The following VGLL4 variants were observed in gnomAD, a reference collection of about 807,000 sequenced individuals.
The protein encoded by VGLL4 is transcription cofactor vestigial-like protein 4.
A neutral mutation model predicts 21.0 loss-of-function variants in VGLL4; 7 were observed. The ratio of observed to expected loss-of-function variants is 0.33; its 90% CI spans 0.19 to 0.63. The LOEUF (loss-of-function observed/expected upper bound fraction) is 0.63. Among genes scored for constraint, VGLL4 ranks in the 20% least tolerant of loss-of-function variants. The pLI, the probability that VGLL4 is intolerant of heterozygous loss-of-function variation, is 0.78. For synonymous variants in VGLL4, 222 were observed against 173.2 expected (o/e 1.28, Z -2.21); for missense variants, 394 against 425.7 (o/e 0.93, Z 0.66).
chr3:11,561,635 T>C (rs2073015210), intron 3 of VGLL4, among the ~76,000 whole-genome samples: 1 of 152,072 alleles, frequency 6.6e-6, no homozygotes, highest in Non-Finnish European at 1.5e-5. Context: ...GGCCTCCAGA[T>C]GGTGAGCGTT....
At position 11,676,477 on chromosome 3, in the gene VGLL4, ATAAT is replaced by A. The variant is rs1213713005; in HGVS notation, c.64+26490_64+26493del. ...ACCTATAGGCTATTGATCTGAGTTA[ATAAT>A]TAAAGAAATATAAAAGAACATGGTG... is the stretch of plus-strand genomic sequence containing the variant. On this transcript the variant is annotated intron_variant, in intron 2 of 5. Coordinates refer to the VGLL4 transcript ENST00000273038. 3.3e-5 allele frequency among the ~76,000 whole-genome samples: 5 copies of A among 151,542 alleles called. No homozygotes were observed. The East Asian group carries it at 9.7e-4, about 29-fold the overall frequency.
intron 2 of VGLL4, among the ~76,000 whole-genome samples, chr3:11,702,104 C>T (rs893408394): frequency 6.6e-5 from 10 of 152,094 alleles, no homozygotes; most frequent in Non-Finnish European, 8.8e-5. Context: ...CATTATGACA[C>T]ATACTGTACA....
At position 11,643,638 on chromosome 3, in the gene VGLL4, C is replaced by T. The variant is rs2075738707; in HGVS notation, c.-120G>A. 1 of 1,519,850 alleles carries T rather than the reference C, an allele frequency of 6.6e-7. No individual in the cohort carries two copies. The highest frequency in any genetic ancestry group is 8.8e-7 in the Non-Finnish European group (1 of 1,142,678). The allele number at this position is 1,519,850 out of a possible 1,614,324, so 94.1% of individuals were successfully genotyped here. A position where few individuals can be genotyped will look rare whatever the true frequency, so the allele number is the denominator to read the frequency against. On this transcript the variant is annotated 5_prime_UTR_variant, in exon 1 of 5. Transcript: ENST00000430365. ...AACTTCACAAAGGCAGAGGCCCAGC[C>T]TCAGACTATCAAAACAAAGTATGCA...
chr3:11,589,920 G>A (rs916057185), intron 2 of VGLL4, among the ~76,000 whole-genome samples: 4 of 152,166 alleles, frequency 2.6e-5, no homozygotes, highest in Non-Finnish European at 5.9e-5. Context: ...GCATCACATC[G>A]GGGGTTGAGG....
chr3:11,564,145 C>G (rs2073303389), intron 3 of VGLL4, among the ~76,000 whole-genome samples: 1 of 152,252 alleles, frequency 6.6e-6, no homozygotes, highest in African/African-American at 2.4e-5. Flanking sequence ...CTCCTCAATG[C>G]TGCTGCCTTC....
chr3:11,641,531 T>A (rs2075688207), intron 1 of VGLL4, among the ~76,000 whole-genome samples: 1 of 152,216 alleles, frequency 6.6e-6, no homozygotes, highest in East Asian at 1.9e-4. Flanking sequence ...ATGTGTGCAG[T>A]GTTTACACTG....
chr3:11,692,016 A>G (rs972102115), intron 2 of VGLL4, among the ~76,000 whole-genome samples: 1 of 151,226 alleles, frequency 6.6e-6, no homozygotes, highest in African/African-American at 2.4e-5. Flanking sequence ...TACTTCATCC[A>G]AAAATTCTTG....
chr3:11,703,360 T>C (rs897692676), intron 1 of VGLL4, among the ~76,000 whole-genome samples: 3 of 152,228 alleles, frequency 2.0e-5, no homozygotes, highest in Non-Finnish European at 4.4e-5. Context: ...ATAACATGCC[T>C]GTATAAACAT....
At chr3:11,604,057 C>T (rs2074870330) in intron 1 of VGLL4, among the ~76,000 whole-genome samples, 2 of 152,060 alleles carry the variant, frequency 1.3e-5, no homozygotes, top group African/African-American at 4.8e-5. Flanking sequence ...AAAAATTCCA[C>T]AAGAATCCTC....
chr3:11,582,290 C>A (rs1320793351), intron 2 of VGLL4: 1 of 1,605,296 alleles, frequency 6.2e-7, no homozygotes, highest in Admixed American at 1.7e-5. Context: ...ACTAACCTCA[C>A]TTTAATCATT....
At chr3:11,666,025 C>T (rs906964977) in intron 2 of VGLL4, among the ~76,000 whole-genome samples, 1 of 151,908 alleles carries the variant, frequency 6.6e-6, no homozygotes, top group East Asian at 1.9e-4. Flanking sequence ...CCGAGGCGGG[C>T]GGATCACGAG....
chr3:11,584,392 T>C (rs981546868), intron 2 of VGLL4, among the ~76,000 whole-genome samples: 1 of 151,630 alleles, frequency 6.6e-6, no homozygotes, highest in Non-Finnish European at 1.5e-5. Flanking sequence ...CCCGAGAAAC[T>C]TGCAAATATT....
chr3:11,571,811 G>A (rs550072849), intron 2 of VGLL4, among the ~76,000 whole-genome samples: 34 of 152,218 alleles, frequency 2.2e-4, no homozygotes, highest in African/African-American at 3.1e-4. Flanking sequence ...CGGTCCCAGC[G>A]TGAGAAGCCT....
chr3:11,564,798 T>C lies in VGLL4; in HGVS notation c.494A>G (p.Gln165Arg). ...SPTLTPGERQ[Q>R]NRPSVITCAS... ...CCACCCTCCCAGACAGAGGCCCACC[T>C]GCTGCCGCTCCCCCGGGGTCAGTGT... The change falls in exon 3 of 5, where the codon CAG (glutamine) becomes CGG (arginine). Residue 165 changes from glutamine (Q) to arginine (R), a missense_variant and splice_region_variant. Transcript: ENST00000430365. 6.5e-7 allele frequency: 1 copy of C among 1,544,926 alleles called. No individual in the cohort carries two copies. The highest frequency in any genetic ancestry group is 8.7e-7 in the Non-Finnish European group (1 of 1,148,824).
chr3:11,645,526 C>G (rs1178863116), upstream of VGLL4, among the ~76,000 whole-genome samples: 2 of 95,518 alleles, frequency 2.1e-5, no homozygotes, highest in African/African-American at 8.2e-5. Flanking sequence ...GGAAGCGGAG[C>G]TTGCAGTGAG....
intron 1 of VGLL4, among the ~76,000 whole-genome samples, chr3:11,629,375 A>T (rs79715135): frequency 2.1e-5 from 3 of 144,716 alleles, no homozygotes; most frequent in Non-Finnish European, 3.0e-5. Context: ...AAAAAAAAAA[A>T]GGTTAAGGTC....
chr3:11,676,335 C>T (rs7636936), intron 2 of VGLL4, among the ~76,000 whole-genome samples: 80,058 of 150,374 alleles, frequency 0.53, 22,276 homozygotes, highest in Non-Finnish European at 0.63. Context: ...TGCAGTGAGC[C>T]GAGATTGCAC....
Position 11,568,970 on chromosome 3 carries a change from G to C in VGLL4, c.273-3951C>G. The C allele has an allele frequency of 8.6e-7, 1 of 1,166,228 alleles. No individual in the cohort carries two copies. The highest frequency in any genetic ancestry group is 2.1e-5 in the South Asian group (1 of 47,144). 72.2% of individuals were successfully genotyped at this position (1,166,228 alleles called of 1,614,324 possible). On this transcript the variant is annotated intron_variant, in intron 2 of 4. Coordinates refer to ENST00000430365, the MANE Select transcript of VGLL4 (RefSeq NM_001128219.3). This position sits in a 1 kb window ranked among gnomAD's most constrained non-coding sequence, Gnocchi z 5.9. ...GAGAGAAAGATGGAAAGAGGAGGGA[G>C]GGAAAGAGAGGCCTACAACACCATC...
chr3:11,643,351 G>T (rs2075732454), intron 1 of VGLL4, 86 bp downstream of exon 1: 2 of 1,604,028 alleles, frequency 1.2e-6, no homozygotes, highest in East Asian at 4.5e-5. Flanking sequence ...GGAGGACAGC[G>T]GGCGCTTAGA....
Sources: allele counts gnomAD v4.1 joint callset (sites outside exome capture counted in the v4.1 genomes callset), GRCh38; gene constraint gnomAD v4.1.1; non-coding constraint Gnocchi (gnomAD v3.1); transcripts MANE v1.5; gene names NCBI Gene and HGNC (gene_info 2026-07-23, HGNC 2026-07-21).